Variants in KPNA6 observed in about 807,000 individuals in gnomAD.
KPNA6 encodes the protein karyopherin subunit alpha 6.
In KPNA6, 9 loss-of-function variants were observed where a neutral mutation model predicts 72.0. The ratio of observed to expected loss-of-function variants is 0.13; its 90% confidence interval spans 0.08 to 0.22. The LOEUF (loss-of-function observed/expected upper bound fraction) is 0.22, where lower values mean the gene tolerates loss of function less well. KPNA6 is among the 10% of genes least tolerant of loss of function. The pLI is 1.00. For synonymous variants in KPNA6, 219 were observed against 242.1 expected (o/e 0.90, Z 0.89); for missense variants, 374 against 655.7 (o/e 0.57, Z 4.69).
chr1:32,117,807 C>G (rs1479681305), intron 1 of KPNA6, among the ~76,000 whole-genome samples: 1 of 152,116 alleles, frequency 6.6e-6, no homozygotes, highest in African/African-American at 2.4e-5. Context: ...GGAAGAGACG[C>G]TTACTCAGTA....
In KPNA6 at chr1:32,173,136, C is replaced by T. The variant is rs1471438945; in HGVS notation, c.*2242C>T. 2 of 393,420 alleles carry T rather than the reference C, an allele frequency of 5.1e-6. No individual in the cohort carries two copies. Among genetic ancestry groups the T allele is most frequent in the Non-Finnish European group, 8.9e-6 (2 of 225,326 alleles). 24.4% of individuals were successfully genotyped at this position (393,420 alleles called of 1,614,324 possible). On this transcript the variant is annotated 3_prime_UTR_variant, in exon 14 of 14. Transcript: ENST00000373625. Reference sequence around the variant, plus strand: ...GGGGCAGAATCTTTTTTTCACTTGGCCTGCTACCTCCATTAAAAAACCATT... The same window carrying T: ...GGGGCAGAATCTTTTTTTCACTTGGTCTGCTACCTCCATTAAAAAACCATT...
At chr1:32,170,212 T>G in intron 13 of KPNA6, 152 bp downstream of exon 13, 1 of 652,588 alleles carries the variant, frequency 1.5e-6, no homozygotes. Flanking sequence ...TAAGAGCTCC[T>G]GCCCTAGCCA....
intron 1 of KPNA6, among the ~76,000 whole-genome samples, chr1:32,145,864 C>G (rs560068623): frequency 6.6e-6 from 1 of 152,268 alleles, no homozygotes; most frequent in African/African-American, 2.4e-5. Context: ...ACATATGAGT[C>G]TTCCGACATT....
intron 1 of KPNA6, among the ~76,000 whole-genome samples, chr1:32,113,924 T>C (rs1180531500): frequency 6.6e-6 from 1 of 152,204 alleles, no homozygotes; most frequent in Non-Finnish European, 1.5e-5. Context: ...ATCTTGCTGT[T>C]TCCACCCCAT....
At chr1:32,167,858 AAAAAAAAAAAC>A (rs1337951759) in intron 12 of KPNA6, among the ~76,000 whole-genome samples, 1 of 148,218 alleles carries the variant, frequency 6.7e-6, no homozygotes, top group African/African-American at 2.6e-5. Flanking sequence ...TGTCACAAAA[AAAAAAAAAAAC>A]AAAAAAAAAC....
intron 1 of KPNA6, among the ~76,000 whole-genome samples, chr1:32,110,099 T>C (rs2124517470): frequency 1.4e-5 from 2 of 147,368 alleles, no homozygotes; most frequent in South Asian, 4.5e-4. Context: ...AATTTCACTC[T>C]TGTCTCCCAT....
intron 1 of KPNA6, among the ~76,000 whole-genome samples, chr1:32,110,956 G>C (rs941979900): frequency 2.0e-5 from 3 of 152,182 alleles, no homozygotes; most frequent in Admixed American, 6.5e-5. Flanking sequence ...ATGAATATCA[G>C]AACAGATTCT....
intron 11 of KPNA6, among the ~76,000 whole-genome samples, chr1:32,166,779 AAAAG>A (rs1246434135): frequency 6.6e-6 from 1 of 150,596 alleles, no homozygotes; most frequent in Non-Finnish European, 1.5e-5. Flanking sequence ...AATACAAAAA[AAAAG>A]AAAAATTAGC....
chr1:32,160,839 TAA>T, intron 7 of KPNA6, 136 bp downstream of exon 7: 1 of 656,612 alleles, frequency 1.5e-6, no homozygotes, highest in Non-Finnish European at 2.8e-6. Context: ...ATTGCCAAAG[TAA>T]AAGATAGGTA....
At chr1:32,108,194 T>G in intron 1 of KPNA6, 60 bp downstream of exon 1, 1 of 1,609,886 alleles carries the variant, frequency 6.2e-7, no homozygotes, top group Non-Finnish European at 8.5e-7. Context: ...GGCCTGGGAT[T>G]TGGCGAGAGC....
At chr1:32,113,657 G>A (rs1458670608) in intron 1 of KPNA6, among the ~76,000 whole-genome samples, 1 of 152,052 alleles carries the variant, frequency 6.6e-6, no homozygotes. Flanking sequence ...GCCTAAGCCT[G>A]TCTTGAACTG....
intron 1 of KPNA6, among the ~76,000 whole-genome samples, chr1:32,130,200 A>C (rs902533411): frequency 4.2e-5 from 6 of 143,276 alleles, no homozygotes; most frequent in Non-Finnish European, 7.7e-5. Context: ...CTTGGTTTTT[A>C]GTCTGGATTT....
chr1:32,144,326 C>G (rs1284130832), intron 1 of KPNA6, among the ~76,000 whole-genome samples: 1 of 152,160 alleles, frequency 6.6e-6, no homozygotes, highest in Non-Finnish European at 1.5e-5. Context: ...CATCATGTTA[C>G]TTGGAATAGT....
At chr1:32,119,004 A>ACG (rs1641377307) in intron 1 of KPNA6, among the ~76,000 whole-genome samples, 1 of 63,064 alleles carries the variant, frequency 1.6e-5, no homozygotes, top group African/African-American at 7.3e-5. Context: ...ATACATATAT[A>ACG]TATATATATA....
At chr1:32,169,460 T>G (rs946016511) in intron 12 of KPNA6, among the ~76,000 whole-genome samples, 1 of 151,346 alleles carries the variant, frequency 6.6e-6, no homozygotes, top group East Asian at 2.0e-4. Context: ...TCTTTTTTTT[T>G]TTTTGAGACG....
intron 1 of KPNA6, among the ~76,000 whole-genome samples, chr1:32,124,117 C>T (rs1262894602): frequency 6.7e-6 from 1 of 150,218 alleles, no homozygotes; most frequent in Non-Finnish European, 1.5e-5. Context: ...AGGTTAAGCT[C>T]AAACTCCTGA....
At position 32,171,416 on chromosome 1, in the gene KPNA6, GA is replaced by G. The variant is rs1229637452; in HGVS notation, c.*524del. 1 of 152,418 alleles carries G rather than the reference GA, an allele frequency of 6.6e-6. No individual in the cohort carries two copies. The highest frequency in any genetic ancestry group is 2.4e-5 in the African/African-American group (1 of 41,400). 9.4% of individuals were successfully genotyped at this position (152,418 alleles called of 1,614,324 possible). On this transcript the variant is annotated 3_prime_UTR_variant, in exon 14 of 14. Coordinates refer to ENST00000373625, the MANE Select transcript of KPNA6 (RefSeq NM_012316.5). ...AAAACAAAGTGTTCTTGCTCTGACA[GA>G]ATATTAATCTTGTACGCTTGGATTG...
At position 32,173,070 on chromosome 1, in the gene KPNA6, G is replaced by A. The variant is rs72666771; in HGVS notation, c.*2176G>A. On this transcript the variant is annotated 3_prime_UTR_variant, in exon 14 of 14. Coordinates refer to ENST00000373625, the MANE Select transcript of KPNA6 (RefSeq NM_012316.5). ...TGAGTCATATGCCACTCATCAGCTT[G>A]GGAATGATGGCTGCCAACTCCCAAT... The A allele has an allele frequency of 0.083, 33,008 of 397,106 alleles. 1,917 individuals carry two copies. The highest frequency in any genetic ancestry group is 0.25 in the South Asian group (1,935 of 7,780). The allele number at this position is 397,106 out of a possible 1,614,324, so 24.6% of individuals were successfully genotyped here. A position where few individuals can be genotyped will look rare whatever the true frequency, so the allele number is the denominator to read the frequency against.
At chr1:32,110,630 G>T (rs914660247) in intron 1 of KPNA6, among the ~76,000 whole-genome samples, 11 of 152,152 alleles carry the variant, frequency 7.2e-5, no homozygotes, top group African/African-American at 2.7e-4. Flanking sequence ...TTTGGGCTGG[G>T]CAAGGTGGCT....
Sources: gnomAD v4.1 joint callset for allele counts (sites outside exome capture counted in the v4.1 genomes callset) on GRCh38, gnomAD v4.1.1 for gene constraint, MANE v1.5 for transcripts, NCBI Gene and HGNC (gene_info 2026-07-23, HGNC 2026-07-21) for gene names.